MPI: variants seen among roughly 807,000 people sequenced by gnomAD.
The protein encoded by MPI is mannose-6-phosphate isomerase.
In MPI, 33 loss-of-function variants were observed where a neutral mutation model predicts 40.1. The observed-to-expected ratio is 0.82, with a 90% confidence interval of 0.62 to 1.10. The LOEUF is 1.10. Ranked by LOEUF, MPI falls within the 50% of genes least tolerant of loss-of-function variation. The pLI is 0.00. For missense variants in MPI, 514 were observed against 524.1 expected (o/e 0.98, Z 0.19); for synonymous variants, 187 against 207.4 (o/e 0.90, Z 0.85).
At chr15:74,897,241 G>C in intron 7 of MPI, 22 bp downstream of exon 7, 1 of 1,608,996 alleles carries the variant, frequency 6.2e-7, no homozygotes, top group South Asian at 1.1e-5. Context: ...GCTATGATGG[G>C]TGTCCTTCGT....
At chr15:74,894,017 C>T (rs2064765707) in intron 5 of MPI, among the ~76,000 whole-genome samples, 1 of 137,670 alleles carries the variant, frequency 7.3e-6, no homozygotes, top group Non-Finnish European at 1.6e-5. Context: ...TTTATTTGAC[C>T]CAAGCATATT....
intron 3 of MPI, among the ~76,000 whole-genome samples, chr15:74,892,224 C>A (rs555506762): frequency 6.6e-6 from 1 of 152,284 alleles, no homozygotes; most frequent in South Asian, 2.1e-4. Flanking sequence ...GAACTCCTGC[C>A]CTCGTAATCC....
chr15:74,891,797 A>C (rs548956492), intron 3 of MPI, among the ~76,000 whole-genome samples: 28 of 152,232 alleles, frequency 1.8e-4, no homozygotes, highest in South Asian at 6.2e-4. Context: ...GTGCCAGGGG[A>C]GTTTCTCTAA....
rs1484553703 is a variant in MPI at position 74,898,690 on chromosome 15, A to C, written c.*960A>C. ...GTAGCTGGGACCACAGGCGCCCACC[A>C]CCACGCCCAGCCAATTTTTTTGGTA... On this transcript the variant is annotated 3_prime_UTR_variant, in exon 8 of 8. Transcript: ENST00000352410. The C allele has an allele frequency of 6.6e-6, 1 of 151,718 alleles. No homozygotes were observed. Among genetic ancestry groups the C allele is most frequent in the Non-Finnish European group, 1.5e-5 (1 of 67,970 alleles). The allele number at this position is 151,718 out of a possible 1,614,324, so 9.4% of individuals were successfully genotyped here. A position where few individuals can be genotyped will look rare whatever the true frequency, so the allele number is the denominator to read the frequency against.
Position 74,892,745 on chromosome 15 carries a change from C to T in MPI, c.430C>T (p.Pro144Ser), listed in dbSNP as rs555471556. The stretch of plus-strand genomic sequence containing the variant: ...GCCAGAGATGGCCATTGCCCTCACC[C>T]CCTTCCAGGGCTTGTGTGGCTTCCG... ...HKPEMAIALT[P>S]FQGLCGFRPV... The change falls in exon 4 of 8, where the codon CCC (proline) becomes TCC (serine). Residue 144 changes from proline (P) to serine (S), a missense_variant. By Grantham distance (74) the Pro-to-Ser change is moderately conservative. Transcript: ENST00000352410. The T allele has an allele frequency of 1.9e-6, 3 of 1,614,280 alleles. No homozygotes were observed. The Admixed American group carries it at 5.0e-5, about 27-fold the overall frequency.
Position 74,892,818 on chromosome 15 carries a change from T to G in MPI, c.487+16T>G. 1.2e-6 allele frequency: 2 copies of G among 1,614,234 alleles called. No individual in the cohort carries two copies. Among genetic ancestry groups the G allele is most frequent in the Non-Finnish European group, 1.7e-6 (2 of 1,180,046 alleles). On this transcript the variant is annotated intron_variant, in intron 4 of 7. Coordinates refer to ENST00000352410, the MANE Select transcript of MPI (RefSeq NM_002435.3). ...TTTCTAAAGAGTAAGTTGGGCAGAA[T>G]GCTGAAGGCATGCGTACTGGGCCAG... is the stretch of plus-strand genomic sequence containing the variant.
rs547444442 is a variant in MPI at position 74,901,868 on chromosome 15, GA to G, written c.*4141del. The stretch of plus-strand genomic sequence containing the variant: ...GGTGAAGAAACTCACCCAGACCAAG[GA>G]AATACAAATAAATAAATATGAACAT... On this transcript the variant is annotated 3_prime_UTR_variant, in exon 8 of 8. Transcript: ENST00000352410. The G allele has an allele frequency of 5.4e-6, 2 of 369,786 alleles. No homozygotes were observed. Among genetic ancestry groups the G allele is most frequent in the Non-Finnish European group, 9.6e-6 (2 of 208,778 alleles). The allele number at this position is 369,786 out of a possible 1,614,324, so 22.9% of individuals were successfully genotyped here.
chr15:74,892,953 T>G (rs2064749131), intron 4 of MPI, 151 bp downstream of exon 4: 1 of 1,369,374 alleles, frequency 7.3e-7, no homozygotes, highest in Admixed American at 1.8e-5. Flanking sequence ...GCCAGGCCAG[T>G]GAGACCAGGC....
In MPI at chr15:74,896,991, C is replaced by T. The variant is rs373478885; in HGVS notation, c.845-20C>T. 104 of 1,612,930 alleles carry T rather than the reference C, an allele frequency of 6.4e-5. No homozygotes were observed. Among genetic ancestry groups the T allele is most frequent in the Admixed American group, 1.3e-4 (8 of 60,012 alleles). On this transcript the variant is annotated intron_variant, in intron 6 of 7. Coordinates refer to ENST00000352410, the MANE Select transcript of MPI (RefSeq NM_002435.3). ...TAAGGCATACTTCATCAGCTTAGCA[C>T]ATGACGACTGTCTCTCCAGACTGCG... is the stretch of plus-strand genomic sequence containing the variant.
At position 74,897,811 on chromosome 15, in the gene MPI, C is replaced by A; in HGVS notation, c.*81C>A. 7.3e-7 allele frequency: 1 copy of A among 1,369,128 alleles called. No homozygotes were observed. The highest frequency in any genetic ancestry group is 1.2e-5 in the South Asian group (1 of 84,216). 84.8% of individuals were successfully genotyped at this position (1,369,128 alleles called of 1,614,324 possible). A position where few individuals can be genotyped will look rare whatever the true frequency, so the allele number is the denominator to read the frequency against. On this transcript the variant is annotated 3_prime_UTR_variant, in exon 8 of 8. Coordinates refer to ENST00000352410, the MANE Select transcript of MPI (RefSeq NM_002435.3). The stretch of plus-strand genomic sequence containing the variant: ...CACCTCCTCGGGCCCAGCTCAAGCC[C>A]CCTTCCTTGCTCTGGACCCCTTAGG...
chr15:74,891,977 C>G (rs925158084), intron 3 of MPI, among the ~76,000 whole-genome samples: 2 of 152,074 alleles, frequency 1.3e-5, no homozygotes, highest in Admixed American at 1.3e-4. Flanking sequence ...CCATCCTAAG[C>G]AACTGTGGAT....
In MPI at chr15:74,890,558, T is replaced by C. The variant is rs755854925; in HGVS notation, c.48T>C (p.Tyr16=). ...CACTTTCCTGTGCGGTGCAGCAGTA[T>C]GCCTGGGGGAAGATGGGTTCCAACA... ...VFPLSCAVQQ[Y]AWGKMGSNSE... Residue 16 remains tyrosine (Y), a synonymous_variant, in exon 2 of 8, where the codon TAT becomes TAC. Transcript: ENST00000352410. 3.1e-6 allele frequency: 5 copies of C among 1,614,046 alleles called. No individual in the cohort carries two copies. The highest frequency in any genetic ancestry group is 1.3e-5 in the African/African-American group (1 of 74,914).
chr15:74,896,635 C>A lies in MPI; in HGVS notation c.844+310C>A. 4.9e-6 allele frequency: 3 copies of A among 612,798 alleles called. No individual in the cohort carries two copies. The East Asian group carries it at 8.2e-5, about 17-fold the overall frequency. The allele number at this position is 612,798 out of a possible 1,614,324, so 38.0% of individuals were successfully genotyped here. ...GATCAAAGCTGTTGTTCTGTCACAGCCTTTGTATGTCTGTCCTACCTACCA... is the reference window on the plus strand; with the variant it reads ...GATCAAAGCTGTTGTTCTGTCACAGACTTTGTATGTCTGTCCTACCTACCA... On this transcript the variant is annotated intron_variant, in intron 6 of 7. Transcript: ENST00000352410.
At position 74,896,284 on chromosome 15, in the gene MPI, T is replaced by C. The variant is rs1169592252; in HGVS notation, c.803T>C (p.Met268Thr). The C allele has an allele frequency of 6.2e-7, 1 of 1,614,148 alleles. No individual in the cohort carries two copies. Among genetic ancestry groups the C allele is most frequent in the South Asian group, 1.1e-5 (1 of 91,082 alleles). ...CTTACCCTGAAGCCTGGGGAGGCCATGTTTCTGGAGGCCAACGTACCCCAT... is the reference window on the plus strand; with the variant it reads ...CTTACCCTGAAGCCTGGGGAGGCCACGTTTCTGGAGGCCAACGTACCCCAT... ...NLLTLKPGEA[M>T]FLEANVPHAY... The change falls in exon 6 of 8, where the codon ATG (methionine) becomes ACG (threonine). Residue 268 changes from methionine to threonine, a missense_variant. Transcript: ENST00000352410.
At chr15:74,891,023 G>C (rs2141196856) in intron 2 of MPI, 2 of 568,170 alleles carry the variant, frequency 3.5e-6, no homozygotes, top group Non-Finnish European at 6.7e-6. Flanking sequence ...CTCTGCTTCT[G>C]AAACTGGAAG....
intron 4 of MPI, 140 bp from the exon 5 acceptor site, chr15:74,892,998 T>A (rs1595818340): frequency 2.2e-6 from 3 of 1,337,740 alleles, no homozygotes; most frequent in Non-Finnish European, 3.2e-6. Context: ...TGGTGAGTGA[T>A]TGGTTTCCAC....
intron 1 of MPI, 159 bp downstream of exon 1, chr15:74,890,248 C>T (rs1334984170): frequency 1.8e-6 from 2 of 1,110,428 alleles, no homozygotes; most frequent in Admixed American, 4.0e-5. Flanking sequence ...GGATTGACCT[C>T]CGAGGGGAGG....
chr15:74,891,542 T>C lies in MPI; in HGVS notation c.308T>C (p.Val103Ala). ...CCCTTCCTCTTCAAAGTGCTCTCAG[T>C]TGAAACACCCCTGTCCATCCAGGCA... ...NLPFLFKVLS[V>A]ETPLSIQAHP... The change falls in exon 3 of 8, where the codon GTT becomes GCT. Residue 103 changes from valine (V) to alanine (A), a missense_variant. By Grantham distance (64) the Val-to-Ala change is moderately conservative. Coordinates refer to ENST00000352410, the MANE Select transcript of MPI (RefSeq NM_002435.3). 2 of 1,614,180 alleles carry C rather than the reference T, an allele frequency of 1.2e-6. No homozygotes were observed. The highest frequency in any genetic ancestry group is 1.7e-6 in the Non-Finnish European group (2 of 1,180,026).
intron 3 of MPI, among the ~76,000 whole-genome samples, chr15:74,892,140 C>T (rs1267009760): frequency 2.0e-5 from 3 of 152,074 alleles, no homozygotes; most frequent in Non-Finnish European, 2.9e-5. Flanking sequence ...ACTACAGGCA[C>T]GCGCCACCAC....
Sources: allele counts gnomAD v4.1 joint callset (sites outside exome capture counted in the v4.1 genomes callset), GRCh38; gene constraint gnomAD v4.1.1; transcripts MANE v1.5; gene names NCBI Gene and HGNC (gene_info 2026-07-23, HGNC 2026-07-21).